The following TFAM variants were observed in gnomAD, a reference collection of about 807,000 sequenced individuals.
The protein encoded by TFAM is mitochondrial transcription factor 1.
TFAM carries 13 observed loss-of-function variants against 30.6 expected under a neutral mutation model. That is an observed-to-expected ratio of 0.42 (90% confidence interval 0.28 to 0.67). The LOEUF (loss-of-function observed/expected upper bound fraction) is 0.67. Ranked by LOEUF, TFAM falls within the 30% of genes least tolerant of loss-of-function variation. TFAM has a pLI of 0.21. For missense variants in TFAM, 231 were observed against 293.7 expected, an observed-to-expected ratio of 0.79 and a Z score of 1.56; for synonymous variants, 106 against 94.8, an observed-to-expected ratio of 1.12 and a Z score of -0.69.
In TFAM at chr10:58,386,265, T is replaced by G; in HGVS notation, c.147T>G (p.Cys49Trp). 1 of 1,613,864 alleles carries G rather than the reference T, an allele frequency of 6.2e-7. No homozygotes were observed. Among genetic ancestry groups the G allele is most frequent in the Non-Finnish European group, 8.5e-7 (1 of 1,179,986 alleles). The change falls in exon 2 of 7, where the codon TGT becomes TGG. Residue 49 changes from cysteine (C) to tryptophan (W), a missense_variant. Transcript: ENST00000487519. ...GGTTTTCATCTGTCTTGGCAAGTTG[T>G]CCAAAGAAACCTGTAAGTTCTTACC... is the stretch of plus-strand genomic sequence containing the variant. ...PRWFSSVLAS[C>W]PKKPVSSYLR...
At position 58,386,277 on chromosome 10, in the gene TFAM, T is replaced by C; in HGVS notation, c.159T>C (p.Pro53=). The C allele has an allele frequency of 5.6e-6, 9 of 1,614,000 alleles. No individual in the cohort carries two copies. Among genetic ancestry groups the C allele is most frequent in the Non-Finnish European group, 7.6e-6 (9 of 1,180,008 alleles). The part of the protein sequence containing the change: ...SSVLASCPKK[P]VSSYLRFSKE... ...TCTTGGCAAGTTGTCCAAAGAAACC[T>C]GTAAGTTCTTACCTTCGATTTTCTA... is the stretch of plus-strand genomic sequence containing the variant. Residue 53 remains proline, a synonymous_variant, in exon 2 of 7, where the codon CCT becomes CCC. Coordinates refer to ENST00000487519, the MANE Select transcript of TFAM (RefSeq NM_003201.3).
chr10:58,395,267 A>T lies in TFAM; in HGVS notation c.*193A>T. ...AAAACCCAGATAAAGGTTCATGCAA[A>T]CTTTATTTTGTGTTTAGGAACTACT... On this transcript the variant is annotated 3_prime_UTR_variant, in exon 7 of 7. Coordinates refer to ENST00000487519, the MANE Select transcript of TFAM (RefSeq NM_003201.3). 1.7e-6 allele frequency: 1 copy of T among 600,098 alleles called. No individual in the cohort carries two copies. Among genetic ancestry groups the T allele is most frequent in the Middle Eastern group, 3.4e-4 (1 of 2,916 alleles). 37.2% of individuals were successfully genotyped at this position (600,098 alleles called of 1,614,324 possible). A position where few individuals can be genotyped will look rare whatever the true frequency, so the allele number is the denominator to read the frequency against.
chr10:58,386,387 A>G (rs761068471), intron 2 of TFAM, 49 bp downstream of exon 2: 66 of 1,321,476 alleles, frequency 5.0e-5, no homozygotes, highest in Non-Finnish European at 6.7e-5. Flanking sequence ...TAAAAATGCC[A>G]TTAAGCAGTT....
chr10:58,390,422 AG>A (rs1278982725), intron 4 of TFAM, among the ~76,000 whole-genome samples: 1 of 152,212 alleles, frequency 6.6e-6, no homozygotes, highest in Non-Finnish European at 1.5e-5. Context: ...GATTTGGTCA[AG>A]GGGACAGTAG....
intron 6 of TFAM, 70 bp downstream of exon 6, chr10:58,394,484 C>A: frequency 7.7e-7 from 1 of 1,295,004 alleles, no homozygotes. Context: ...TAGGGCAAGG[C>A]TTGATTCATG....
At chr10:58,394,798 T>C in intron 6 of TFAM, 130 bp from the exon 7 acceptor site, 1 of 886,358 alleles carries the variant, frequency 1.1e-6, no homozygotes, top group South Asian at 1.7e-5. Context: ...AGTCTGCCTT[T>C]ATACATGTAG....
chr10:58,386,626 G>C (rs776931031), intron 2 of TFAM: 2 of 1,196,450 alleles, frequency 1.7e-6, no homozygotes, highest in Non-Finnish European at 2.1e-6. Context: ...GAGGACCACT[G>C]ATGAATTATT....
chr10:58,399,086 A>C lies in TFAM; in HGVS notation c.*4012A>C, dbSNP rs1274935001. The C allele has an allele frequency of 6.6e-6, 1 of 152,228 alleles. No homozygotes were observed. Among genetic ancestry groups the C allele is most frequent in the Non-Finnish European group, 1.5e-5 (1 of 68,028 alleles). The allele number at this position is 152,228 out of a possible 1,614,324, so 9.4% of individuals were successfully genotyped here. On this transcript the variant is annotated 3_prime_UTR_variant, in exon 7 of 7. Transcript: ENST00000487519. ...GTTAATTGATTAAATCACTTACTAT[A>C]TTCGATATGAAATATATAAAACATA...
At position 58,395,026 on chromosome 10, in the gene TFAM, A is replaced by G. The variant is rs1482750837; in HGVS notation, c.693A>G (p.Leu231=). The change falls in exon 7 of 7, where the codon CTA becomes CTG. Residue 231 remains leucine, a synonymous_variant. Transcript: ENST00000487519. ...QMIEVGRKDL[L]RRTIKKQRKY... ...TTGAAGTTGGACGAAAGGATCTTCT[A>G]CGTCGCACAATAAAGAAACAACGAA... 2.5e-6 allele frequency: 4 copies of G among 1,613,670 alleles called. No individual in the cohort carries two copies. Among genetic ancestry groups the G allele is most frequent in the African/African-American group, 1.3e-5 (1 of 74,918 alleles).
At chr10:58,385,796 C>A in intron 1 of TFAM, 148 bp downstream of exon 1, 1 of 713,140 alleles carries the variant, frequency 1.4e-6, no homozygotes, top group Admixed American at 2.0e-5. Context: ...GCCAAGGGGA[C>A]GGTGGCCTTG....
intron 5 of TFAM, among the ~76,000 whole-genome samples, chr10:58,393,693 C>T (rs1840634193): frequency 6.6e-6 from 1 of 151,910 alleles, no homozygotes; most frequent in African/African-American, 2.4e-5. Context: ...TCAAGACCAG[C>T]CCTGGGCAAC....
chr10:58,393,493 A>G (rs1840631217), intron 5 of TFAM, among the ~76,000 whole-genome samples: 1 of 152,220 alleles, frequency 6.6e-6, no homozygotes, highest in Non-Finnish European at 1.5e-5. Flanking sequence ...TTCAGCTTCC[A>G]GAATTTTGTG....
At chr10:58,391,261 G>C (rs772251935) in intron 5 of TFAM, among the ~76,000 whole-genome samples, 2 of 151,988 alleles carry the variant, frequency 1.3e-5, no homozygotes, top group African/African-American at 4.8e-5. Flanking sequence ...TAACATTTTG[G>C]TTATACCCAT....
intron 2 of TFAM, among the ~76,000 whole-genome samples, 195 bp from the exon 3 acceptor site, chr10:58,387,995 A>G (rs1242927179): frequency 6.6e-6 from 1 of 151,970 alleles, no homozygotes; most frequent in Non-Finnish European, 1.5e-5. Context: ...TATATGGTAT[A>G]CTCCTTAGTT....
At position 58,395,117 on chromosome 10, in the gene TFAM, A is replaced by G. The variant is rs1290532763; in HGVS notation, c.*43A>G. On this transcript the variant is annotated 3_prime_UTR_variant, in exon 7 of 7. Coordinates refer to ENST00000487519, the MANE Select transcript of TFAM (RefSeq NM_003201.3). ...GTGTTCACAATGGATAGGCACAGGA[A>G]ACCAGTTAGGTCTCAATACCTGAAG... 8.1e-6 allele frequency: 13 copies of G among 1,602,690 alleles called. No individual in the cohort carries two copies. Among genetic ancestry groups the G allele is most frequent in the African/African-American group, 1.3e-5 (1 of 74,604 alleles).
chr10:58,395,589 G>T lies in TFAM; in HGVS notation c.*515G>T. On this transcript the variant is annotated 3_prime_UTR_variant, in exon 7 of 7. Transcript: ENST00000487519. ...ATGGTTGTACATATAAGTGATTGCT[G>T]GTTTTAGTTGCAACTTTGTATAAAA... 1 of 242,796 alleles carries T rather than the reference G, an allele frequency of 4.1e-6. No homozygotes were observed. Among genetic ancestry groups the T allele is most frequent in the Admixed American group, 5.5e-5 (1 of 18,030 alleles). The allele number at this position is 242,796 out of a possible 1,614,324, so 15.0% of individuals were successfully genotyped here. A position where few individuals can be genotyped will look rare whatever the true frequency, so the allele number is the denominator to read the frequency against.
At chr10:58,388,567 A>T in intron 3 of TFAM, 103 bp from the exon 4 acceptor site, 1 of 1,277,056 alleles carries the variant, frequency 7.8e-7, no homozygotes, top group Non-Finnish European at 1.1e-6. Flanking sequence ...ACCTGGTGAT[A>T]AAATCTGTCT....
intron 5 of TFAM, 128 bp downstream of exon 5, chr10:58,390,988 C>A (rs1350259303): frequency 1.2e-6 from 1 of 835,362 alleles, no homozygotes; most frequent in African/African-American, 1.7e-5. Flanking sequence ...CTAAGGCCCT[C>A]TTTAAAGAAA....
intron 5 of TFAM, 109 bp from the exon 6 acceptor site, chr10:58,394,246 TTGA>T: frequency 1.2e-6 from 1 of 802,410 alleles, no homozygotes; most frequent in South Asian, 1.4e-5. Context: ...ATGTTAAGAA[TTGA>T]TGAGGCTTTG....
Sources: allele counts gnomAD v4.1 joint callset (sites outside exome capture counted in the v4.1 genomes callset), GRCh38; gene constraint gnomAD v4.1.1; transcripts MANE v1.5; gene names NCBI Gene and HGNC (gene_info 2026-07-23, HGNC 2026-07-21).